The following SLC25A48 variants were observed in gnomAD, a reference collection of about 807,000 sequenced individuals.
The protein encoded by SLC25A48 is solute carrier family 25 member 48.
In SLC25A48, 29 loss-of-function variants were observed where a neutral mutation model predicts 32.2. The ratio of observed to expected loss-of-function variants is 0.90; its 90% CI spans 0.67 to 1.23. The LOEUF (loss-of-function observed/expected upper bound fraction) is 1.23, where lower values mean the gene tolerates loss of function less well. Ranked by LOEUF, SLC25A48 falls within the 50% of genes most tolerant of loss-of-function variation. The probability of loss-of-function intolerance (pLI) is 0.00; values close to 1 mark genes in which losing one functional copy is unlikely to be tolerated. For missense variants in SLC25A48, 399 were observed against 422.7 expected, an observed-to-expected ratio of 0.94 and a Z score of 0.49; for synonymous variants, 164 against 172.3, an observed-to-expected ratio of 0.95 and a Z score of 0.38.
At chr5:135,798,623 G>A (rs1353741328) in intron 3 of SLC25A48, among the ~76,000 whole-genome samples, 1 of 151,388 alleles carries the variant, frequency 6.6e-6, no homozygotes, top group Admixed American at 6.6e-5. Context: ...CCAAAATTTT[G>A]CACCCCCTGC....
At chr5:135,613,337 T>C (rs1226141045) in intron 1 of SLC25A48, among the ~76,000 whole-genome samples, 2 of 152,238 alleles carry the variant, frequency 1.3e-5, no homozygotes, top group Non-Finnish European at 2.9e-5. Context: ...TAGTCCTTTA[T>C]TGGATGAATA....
chr5:135,672,946 G>C (rs750021728), intron 3 of SLC25A48, among the ~76,000 whole-genome samples: 12 of 151,928 alleles, frequency 7.9e-5, no homozygotes, highest in Non-Finnish European at 1.8e-4. Flanking sequence ...AGATTAATTT[G>C]CATTTTCTAG....
intron 3 of SLC25A48, among the ~76,000 whole-genome samples, chr5:135,777,797 A>G (rs934662740): frequency 7.8e-5 from 10 of 128,482 alleles, no homozygotes; most frequent in African/African-American, 2.3e-4. Flanking sequence ...GGGGGGGGGG[A>G]ATGTTAATAT....
At chr5:135,775,401 T>C (rs571670373) in intron 3 of SLC25A48, among the ~76,000 whole-genome samples, 11 of 151,750 alleles carry the variant, frequency 7.2e-5, no homozygotes, top group African/African-American at 2.4e-4. Flanking sequence ...ATGACATTAC[T>C]CCCTATATTG....
chr5:135,607,661 A>G (rs1206507756), intron 1 of SLC25A48, among the ~76,000 whole-genome samples: 2 of 152,264 alleles, frequency 1.3e-5, no homozygotes, highest in African/African-American at 4.8e-5. Flanking sequence ...TATATGAAGT[A>G]AGCCAGCTGG....
At chr5:135,719,241 G>A (rs556753402) in intron 3 of SLC25A48, among the ~76,000 whole-genome samples, 2 of 152,036 alleles carry the variant, frequency 1.3e-5, no homozygotes, top group African/African-American at 4.8e-5. Flanking sequence ...TTACAAATCC[G>A]GGATTTATTT....
chr5:135,663,331 T>C (rs534408111), intron 3 of SLC25A48, among the ~76,000 whole-genome samples: 3 of 152,320 alleles, frequency 2.0e-5, no homozygotes, highest in African/African-American at 7.2e-5. Flanking sequence ...TTGAGCCAGA[T>C]ACTTTTTTGT....
At chr5:135,850,394 C>A (rs948152625) in intron 2 of SLC25A48, 31 bp from the exon 3 acceptor site, 4 of 1,611,648 alleles carry the variant, frequency 2.5e-6, no homozygotes, top group Non-Finnish European at 3.4e-6. Context: ...ATAACCTCTG[C>A]GCTGACCCAT....
chr5:135,658,502 G>A (rs944500951), intron 3 of SLC25A48, among the ~76,000 whole-genome samples: 1 of 152,188 alleles, frequency 6.6e-6, no homozygotes, highest in Non-Finnish European at 1.5e-5. Flanking sequence ...GGCTCATGGT[G>A]CAAGCTATTG....
intron 1 of SLC25A48, among the ~76,000 whole-genome samples, chr5:135,625,813 A>G (rs1244134590): frequency 6.6e-6 from 1 of 152,084 alleles, no homozygotes; most frequent in Non-Finnish European, 1.5e-5. Flanking sequence ...GGCTATGACA[A>G]CAACCAGGAA....
At chr5:135,635,031 A>T (rs1393420907) in intron 3 of SLC25A48, 2 of 152,154 alleles carry the variant, frequency 1.3e-5, no homozygotes, top group Non-Finnish European at 2.9e-5. Flanking sequence ...CTCTGACTCC[A>T]CATACCCATC....
intron 3 of SLC25A48, among the ~76,000 whole-genome samples, chr5:135,791,380 C>T (rs1757027613): frequency 6.6e-6 from 1 of 151,802 alleles, no homozygotes; most frequent in Non-Finnish European, 1.5e-5. Flanking sequence ...CTCCTAATGT[C>T]ACAGCGGGTG....
At chr5:135,812,343 T>A (rs1465292) in intron 3 of SLC25A48, among the ~76,000 whole-genome samples, 33,733 of 152,060 alleles carry the variant, frequency 0.22, 4,601 homozygotes, top group East Asian at 0.44. Flanking sequence ...TTAGTTATTT[T>A]TAAATGTGCA....
At chr5:135,689,439 G>A (rs936357850) in intron 3 of SLC25A48, among the ~76,000 whole-genome samples, 2 of 152,180 alleles carry the variant, frequency 1.3e-5, no homozygotes, top group East Asian at 1.9e-4. Flanking sequence ...AGGCAGCACC[G>A]GCACCTGGTG....
intron 3 of SLC25A48, among the ~76,000 whole-genome samples, chr5:135,804,582 G>A (rs1056311281): frequency 1.3e-5 from 2 of 151,634 alleles, no homozygotes; most frequent in Admixed American, 1.3e-4. Context: ...CACAGTGGGT[G>A]TAGAGATATT....
At chr5:135,700,371 C>CAAAAAAAAAA (rs34125451) in intron 3 of SLC25A48, among the ~76,000 whole-genome samples, 5 of 67,912 alleles carry the variant, frequency 7.4e-5, no homozygotes, top group South Asian at 8.0e-4. Flanking sequence ...GACTCTGTCT[C>CAAAAAAAAAA]AAAAAAAAAA....
chr5:135,851,918 C>T (rs1759902073), intron 3 of SLC25A48, among the ~76,000 whole-genome samples: 1 of 152,142 alleles, frequency 6.6e-6, no homozygotes, highest in African/African-American at 2.4e-5. Flanking sequence ...TTATGTGGCC[C>T]CTTCAGCCAC....
intron 1 of SLC25A48, among the ~76,000 whole-genome samples, chr5:135,835,546 CT>C (rs1409385720): frequency 6.6e-6 from 1 of 152,170 alleles, no homozygotes; most frequent in East Asian, 1.9e-4. Flanking sequence ...CACTCTTTTA[CT>C]GGGCCTGGGA....
chr5:135,742,284 T>C (rs1243825003), intron 3 of SLC25A48, among the ~76,000 whole-genome samples: 1 of 152,230 alleles, frequency 6.6e-6, no homozygotes, highest in Non-Finnish European at 1.5e-5. Flanking sequence ...TTTTGCCATG[T>C]TGGCCAGGCT....
Sources: allele counts gnomAD v4.1 joint callset (sites outside exome capture counted in the v4.1 genomes callset), GRCh38; gene constraint gnomAD v4.1.1; transcripts MANE v1.5; gene names NCBI Gene and HGNC (gene_info 2026-07-23, HGNC 2026-07-21).